DLGAP2: variants seen among roughly 807,000 people sequenced by gnomAD.
DLGAP2 encodes the protein disks large-associated protein 2.
Under a neutral mutation model 100.3 loss-of-function variants are expected in DLGAP2, and 26 were observed. That is an observed-to-expected ratio of 0.26 (90% CI 0.19 to 0.36). The LOEUF (loss-of-function observed/expected upper bound fraction) is 0.36, where lower values mean the gene tolerates loss of function less well. Ranked by LOEUF, DLGAP2 falls within the 10% of genes least tolerant of loss-of-function variation. The probability of loss-of-function intolerance (pLI) is 1.00; values close to 1 mark genes in which losing one functional copy is unlikely to be tolerated. For synonymous variants in DLGAP2, 886 were observed against 630.1 expected, an observed-to-expected ratio of 1.41 and a Z score of -6.08; for missense variants, 1,858 against 1,453.2, an observed-to-expected ratio of 1.28 and a Z score of -4.53.
chr8:1,320,911 A>G (rs1800883557), intron 3 of DLGAP2, among the ~76,000 whole-genome samples: 1 of 152,074 alleles, frequency 6.6e-6, no homozygotes, highest in East Asian at 1.9e-4. Context: ...GTGTAGGGGC[A>G]TGTGTGTGCA....
intron 2 of DLGAP2, among the ~76,000 whole-genome samples, chr8:959,812 A>T (rs1161393699): frequency 6.6e-6 from 1 of 152,220 alleles, no homozygotes; most frequent in Non-Finnish European, 1.5e-5. Context: ...TCTCATTTAT[A>T]AGAAACATTC....
chr8:743,715 C>A lies in DLGAP2; in HGVS notation c.18+5890C>A, dbSNP rs930635861. Reference sequence around the variant, plus strand: ...AGTAGCTGGGACTACAGGCGTGCACCACCACACCCAGCTAATTTTTTGTAT... The same window carrying A: ...AGTAGCTGGGACTACAGGCGTGCACAACCACACCCAGCTAATTTTTTGTAT... On this transcript the variant is annotated intron_variant, in intron 1 of 14. Transcript: ENST00000637795. Among the ~76,000 whole-genome samples the A allele has an allele frequency of 2.6e-5, 4 of 152,286 alleles. No homozygotes were observed. The East Asian group carries it at 7.7e-4, about 29-fold the overall frequency.
chr8:1,339,513 CCT>C lies in DLGAP2; in HGVS notation c.106+80631_106+80632del, dbSNP rs201015019. Among the ~76,000 whole-genome samples the C allele has an allele frequency of 4.3e-3, 651 of 152,336 alleles. 2 individuals are homozygous for C. Among genetic ancestry groups the C allele is most frequent in the African/African-American group, 0.015 (618 of 41,574 alleles). ...CCATTCTGGAACCGCAGCACTGTCC[CCT>C]GACACCCCCAGTGGGAACAAGCTTC... On this transcript the variant is annotated intron_variant, in intron 3 of 14. Transcript: ENST00000637795.
intron 2 of DLGAP2, among the ~76,000 whole-genome samples, chr8:1,117,778 C>T (rs903142606): frequency 1.3e-5 from 2 of 152,214 alleles, no homozygotes; most frequent in Non-Finnish European, 2.9e-5. Flanking sequence ...AGCAGGCACA[C>T]AGAATCACCT....
intron 2 of DLGAP2, among the ~76,000 whole-genome samples, chr8:1,199,996 G>A (rs866992541): frequency 2.6e-5 from 4 of 151,492 alleles, no homozygotes; most frequent in Middle Eastern, 3.4e-3. Flanking sequence ...GTGCATCCCC[G>A]GGGGTCCCAT....
intron 12 of DLGAP2, among the ~76,000 whole-genome samples, chr8:1,679,709 C>T (rs572996770): frequency 5.9e-5 from 9 of 152,290 alleles, no homozygotes; most frequent in South Asian, 2.1e-4. Context: ...AGGCCAGGCA[C>T]GGTGGCTCAC....
intron 1 of DLGAP2, among the ~76,000 whole-genome samples, chr8:853,115 T>G (rs1797212137): frequency 6.6e-6 from 1 of 152,188 alleles, no homozygotes; most frequent in South Asian, 2.1e-4. Context: ...CTTAGGTGTG[T>G]GTTGGGGTCC....
At chr8:1,156,590 C>A (rs1563219969) in intron 2 of DLGAP2, among the ~76,000 whole-genome samples, 1 of 151,754 alleles carries the variant, frequency 6.6e-6, no homozygotes. Flanking sequence ...GCCCCCCAGC[C>A]CAGCGCCCCA....
At chr8:1,107,828 A>G (rs1804826607) in intron 2 of DLGAP2, among the ~76,000 whole-genome samples, 1 of 152,172 alleles carries the variant, frequency 6.6e-6, no homozygotes, top group Non-Finnish European at 1.5e-5. Flanking sequence ...TGCATTTGGC[A>G]GGAGCCTTCC....
intron 2 of DLGAP2, among the ~76,000 whole-genome samples, chr8:1,169,444 T>G (rs1797083611): frequency 6.6e-6 from 1 of 152,204 alleles, no homozygotes; most frequent in African/African-American, 2.4e-5. Context: ...TTGATGGGGA[T>G]GGCATTGAAT....
intron 13 of DLGAP2, 74 bp downstream of exon 13, chr8:1,691,700 T>C (rs1226092423): frequency 3.1e-6 from 4 of 1,290,162 alleles, no homozygotes; most frequent in African/African-American, 1.5e-5. Flanking sequence ...TTCTCATTGT[T>C]TTCTTCCTTG....
At chr8:1,575,999 G>A (rs1802958922) in intron 6 of DLGAP2, among the ~76,000 whole-genome samples, 1 of 152,094 alleles carries the variant, frequency 6.6e-6, no homozygotes, top group Non-Finnish European at 1.5e-5. Context: ...GGGATGGCTG[G>A]GTCAAATGGT....
rs186625467 is a variant in DLGAP2, at chr8:1,186,141, G to A, written c.74-72710G>A. Among the ~76,000 whole-genome samples, 22 of 152,316 alleles carry A rather than the reference G, an allele frequency of 1.4e-4. No homozygotes were observed. In the East Asian group the frequency reaches 3.7e-3, roughly 25 times the overall value. Reference sequence around the variant, plus strand: ...AAGGTGCTTCTCGCTTTGCGCCCTTGTCTGCGGGCAGAAGGTTTTGTGAAC... The same window carrying A: ...AAGGTGCTTCTCGCTTTGCGCCCTTATCTGCGGGCAGAAGGTTTTGTGAAC... On this transcript the variant is annotated intron_variant, in intron 2 of 14. Coordinates refer to ENST00000637795, the MANE Select transcript of DLGAP2 (RefSeq NM_001346810.2).
intron 1 of DLGAP2, among the ~76,000 whole-genome samples, chr8:890,014 C>T (rs913646282): frequency 2.6e-5 from 4 of 151,954 alleles, no homozygotes; most frequent in African/African-American, 4.8e-5. Flanking sequence ...TCCCCTTCCC[C>T]GTGTGTTTCT....
At chr8:1,281,069 C>G (rs1799804616) in intron 3 of DLGAP2, among the ~76,000 whole-genome samples, 1 of 152,184 alleles carries the variant, frequency 6.6e-6, no homozygotes, top group African/African-American at 2.4e-5. Flanking sequence ...GTGCCCAGCT[C>G]AGAGAATGCT....
intron 4 of DLGAP2, among the ~76,000 whole-genome samples, chr8:1,533,822 C>G (rs928500046): frequency 6.6e-6 from 1 of 152,078 alleles, no homozygotes; most frequent in Non-Finnish European, 1.5e-5. Context: ...CCTGGCACAG[C>G]GGCCTGAGCC....
chr8:1,129,141 C>T (rs1563206514), intron 2 of DLGAP2, among the ~76,000 whole-genome samples: 1 of 152,182 alleles, frequency 6.6e-6, no homozygotes, highest in African/African-American at 2.4e-5. Context: ...TGCCGTGGCT[C>T]ACACCTGTAA....
At chr8:1,614,570 G>A (rs749995951) in intron 6 of DLGAP2, among the ~76,000 whole-genome samples, 2 of 152,212 alleles carry the variant, frequency 1.3e-5, no homozygotes, top group Non-Finnish European at 2.9e-5. Context: ...GCCCACACGA[G>A]CTCCGGGGAC....
intron 2 of DLGAP2, among the ~76,000 whole-genome samples, chr8:1,197,312 C>A (rs1208636614): frequency 1.3e-5 from 2 of 151,388 alleles, no homozygotes; most frequent in African/African-American, 4.9e-5. Flanking sequence ...CATGCTGACA[C>A]AGAATTCACC....
Sources: allele counts gnomAD v4.1 joint callset (sites outside exome capture counted in the v4.1 genomes callset), GRCh38; gene constraint gnomAD v4.1.1; transcripts MANE v1.5; gene names NCBI Gene and HGNC (gene_info 2026-07-23, HGNC 2026-07-21).